Variants in IGSF9 observed in about 807,000 individuals in gnomAD.
IGSF9 encodes immunoglobulin superfamily member 9, also known as protein turtle homolog A.
In IGSF9, 87 loss-of-function variants were observed where a neutral mutation model predicts 121.7. The observed-to-expected ratio is 0.71, with a 90% CI of 0.60 to 0.85. The LOEUF (loss-of-function observed/expected upper bound fraction) is 0.85, where lower values mean the gene tolerates loss of function less well. IGSF9 is among the 40% of genes least tolerant of loss of function. IGSF9 has a pLI of 0.00. For synonymous variants in IGSF9, 640 were observed against 648.4 expected (o/e 0.99, Z 0.20); for missense variants, 1,462 against 1,565.3 (o/e 0.93, Z 1.11).
chr1:159,927,132 G>T lies in IGSF9; in HGVS notation c.*213C>A. On this transcript the variant is annotated 3_prime_UTR_variant, in exon 21 of 21. Coordinates refer to ENST00000368094, the MANE Select transcript of IGSF9 (RefSeq NM_001135050.2). ...GAGAGAGAGAGAGAGAGAGAGAGAG[G>T]CAGACCTAAGATCCCTGTTCCAATC... 11 of 408,666 alleles carry T rather than the reference G, an allele frequency of 2.7e-5. No individual in the cohort carries two copies. The highest frequency in any genetic ancestry group is 4.9e-5 in the Admixed American group (1 of 20,614). The allele number at this position is 408,666 out of a possible 1,614,324, so 25.3% of individuals were successfully genotyped here.
chr1:159,934,856 A>C, intron 6 of IGSF9, 34 bp from the exon 7 acceptor site: 2 of 1,612,764 alleles, frequency 1.2e-6, no homozygotes, highest in Non-Finnish European at 1.7e-6. Flanking sequence ...AGGTGGCCTC[A>C]GCCCACAGTC....
rs1571208927 is a variant in IGSF9, at chr1:159,928,034, AG to A, written c.3230+123del. On this transcript the variant is annotated intron_variant, in intron 19 of 20. Coordinates refer to ENST00000368094, the MANE Select transcript of IGSF9 (RefSeq NM_001135050.2). ...CTGGACCTCAGCAAAAGCTTCTAAA[AG>A]GGACAAGTTTTCCCGTTCCCAGGGT... 5 of 1,484,604 alleles carry A rather than the reference AG, an allele frequency of 3.4e-6. No individual in the cohort carries two copies. The East Asian group carries it at 1.1e-4, about 34-fold the overall frequency. 92.0% of individuals were successfully genotyped at this position (1,484,604 alleles called of 1,614,324 possible).
chr1:159,930,055 C>A, intron 15 of IGSF9, 80 bp from the exon 16 acceptor site: 1 of 1,557,222 alleles, frequency 6.4e-7, no homozygotes, highest in Non-Finnish European at 8.7e-7. Flanking sequence ...AGACCGTGCA[C>A]GTGGGACGGA....
chr1:159,943,579 C>A lies in IGSF9; in HGVS notation c.-125G>T. ...CTCTCACTCTTCTGTACAGTGAGGGCTTGGCTCATGTAACACCCGAGGAAG... is the reference window on the plus strand; with the variant it reads ...CTCTCACTCTTCTGTACAGTGAGGGATTGGCTCATGTAACACCCGAGGAAG... On this transcript the variant is annotated 5_prime_UTR_variant, in exon 2 of 21. Transcript: ENST00000368094. 2.3e-6 allele frequency: 2 copies of A among 859,780 alleles called. No individual in the cohort carries two copies. Among genetic ancestry groups the A allele is most frequent in the Non-Finnish European group, 3.3e-6 (2 of 600,178 alleles). The allele number at this position is 859,780 out of a possible 1,614,324, so 53.3% of individuals were successfully genotyped here. A position where few individuals can be genotyped will look rare whatever the true frequency, so the allele number is the denominator to read the frequency against.
At position 159,927,169 on chromosome 1, in the gene IGSF9, C is replaced by A; in HGVS notation, c.*176G>T. ...TCCCTGTTCCAATCCCCAGACTCAC[C>A]TAGGGGGTCAGCACATACATTCCAT... On this transcript the variant is annotated 3_prime_UTR_variant, in exon 21 of 21. Transcript: ENST00000368094. 1.5e-6 allele frequency: 1 copy of A among 651,988 alleles called. No individual in the cohort carries two copies. The allele number at this position is 651,988 out of a possible 1,614,324, so 40.4% of individuals were successfully genotyped here. A position where few individuals can be genotyped will look rare whatever the true frequency, so the allele number is the denominator to read the frequency against.
intron 9 of IGSF9, 173 bp downstream of exon 9, chr1:159,934,017 C>T: frequency 1.4e-6 from 1 of 740,236 alleles, no homozygotes; most frequent in South Asian, 1.9e-5. Flanking sequence ...GAAATTTTTC[C>T]TCAGGGGTTT....
At position 159,928,228 on chromosome 1, in the gene IGSF9, C is replaced by T. The variant is rs1363596966; in HGVS notation, c.3160G>A (p.Asp1054Asn). The T allele has an allele frequency of 1.2e-6, 2 of 1,613,178 alleles. No homozygotes were observed. Among genetic ancestry groups the T allele is most frequent in the Non-Finnish European group, 8.5e-7 (1 of 1,179,932 alleles). ...GGGCCACTGGCCCAGCTGCTGGTGT[C>T]TCCTGGAGCAGGGCTGAGGTAGCTG... ...GGSYLSPAPG[D>N]TSSWASGPER... Residue 1054 changes from aspartate to asparagine, a missense_variant, in exon 19 of 21, where the codon GAC (aspartate) becomes AAC (asparagine). Asp to Asn is a conservative substitution (Grantham distance 23). Around this residue, in one of 3 missense-constraint regions of IGSF9, gnomAD observed 808 missense variants for 815.2 expected, o/e 0.99. Transcript: ENST00000368094.
Position 159,936,449 on chromosome 1 carries a change from G to C in IGSF9, c.623C>G (p.Ala208Gly). Residue 208 changes from alanine (A) to glycine (G), a missense_variant, in exon 6 of 21, where the codon GCC becomes GGC. Around this residue, in one of 3 missense-constraint regions of IGSF9, gnomAD observed 558 missense variants for 599.4 expected, o/e 0.93. Transcript: ENST00000368094. ...RGSSGVYTCQ[A>G]SSTEGSATHA... The stretch of plus-strand genomic sequence containing the variant: ...GGTGGCGCTGCCCTCAGTGCTGGAG[G>C]CTTGGCAGGTGTAGACCCCAGAGCT... 2 of 1,614,048 alleles carry C rather than the reference G, an allele frequency of 1.2e-6. No homozygotes were observed. The highest frequency in any genetic ancestry group is 1.7e-6 in the Non-Finnish European group (2 of 1,180,014).
chr1:159,931,288 T>C lies in IGSF9; in HGVS notation c.1514-27A>G. ...TAGGCAGGGGGGAATGGAGGGATGG[T>C]GGTCAGGGCCTGAGGGAGTGTACAG... On this transcript the variant is annotated intron_variant, in intron 12 of 20. Transcript: ENST00000368094. The surrounding 1 kb of genome is among the most constrained non-coding windows in gnomAD (Gnocchi z 4.8). 6.2e-7 allele frequency: 1 copy of C among 1,613,872 alleles called. No homozygotes were observed. Among genetic ancestry groups the C allele is most frequent in the South Asian group, 1.1e-5 (1 of 91,068 alleles).
intron 3 of IGSF9, among the ~76,000 whole-genome samples, chr1:159,938,841 TC>T (rs1433622203): frequency 1.3e-5 from 2 of 152,154 alleles, no homozygotes; most frequent in African/African-American, 4.8e-5. Flanking sequence ...GTGCCTGGCA[TC>T]AGTGGATGCT....
Position 159,943,140 on chromosome 1 carries a change from G to C in IGSF9, c.70C>G (p.Pro24Ala). Reference sequence around the variant, plus strand: ...CGGCCCACCACCGATACCACCTCAGGCTTCCCTCGACCTGCATGATGGGTG... The same window carrying C: ...CGGCCCACCACCGATACCACCTCAGCCTTCCCTCGACCTGCATGATGGGTG... ...ISQGADGRGKPEVVSVVGRAG... is the reference protein window; with the variant it reads ...ISQGADGRGKAEVVSVVGRAG... Residue 24 changes from proline to alanine, a missense_variant, in exon 3 of 21, where the codon CCT becomes GCT. Physicochemically the swap from Pro to Ala is conservative, Grantham distance 27. Coordinates refer to ENST00000368094, the MANE Select transcript of IGSF9 (RefSeq NM_001135050.2). 1 of 1,592,932 alleles carries C rather than the reference G, an allele frequency of 6.3e-7. No homozygotes were observed. Among genetic ancestry groups the C allele is most frequent in the Non-Finnish European group, 8.5e-7 (1 of 1,172,646 alleles).
chr1:159,927,170 T>C lies in IGSF9; in HGVS notation c.*175A>G. 2 of 652,556 alleles carry C rather than the reference T, an allele frequency of 3.1e-6. No individual in the cohort carries two copies. Among genetic ancestry groups the C allele is most frequent in the Non-Finnish European group, 5.3e-6 (2 of 375,296 alleles). The allele number at this position is 652,556 out of a possible 1,614,324, so 40.4% of individuals were successfully genotyped here. Reference sequence around the variant, plus strand: ...CCCTGTTCCAATCCCCAGACTCACCTAGGGGGTCAGCACATACATTCCATA... The same window carrying C: ...CCCTGTTCCAATCCCCAGACTCACCCAGGGGGTCAGCACATACATTCCATA... On this transcript the variant is annotated 3_prime_UTR_variant, in exon 21 of 21. Transcript: ENST00000368094.
In IGSF9 at chr1:159,929,348, T is replaced by C; in HGVS notation, c.2369+3A>G. On this transcript the variant is annotated splice_donor_region_variant and intron_variant, in intron 18 of 20. Coordinates refer to ENST00000368094, the MANE Select transcript of IGSF9 (RefSeq NM_001135050.2). ...AGAAAGCCAAGGAGGTGGAGGCACT[T>C]ACGGTGCAGCTGACTTCCCGGTCGG... 1 of 1,613,980 alleles carries C rather than the reference T, an allele frequency of 6.2e-7. No homozygotes were observed. The highest frequency in any genetic ancestry group is 1.1e-5 in the South Asian group (1 of 91,072).
In IGSF9 at chr1:159,934,580, G is replaced by A. The variant is rs1397707251; in HGVS notation, c.816-10C>T. The stretch of plus-strand genomic sequence containing the variant: ...CCGGGGCTGCAGGCGGCTGCAATGT[G>A]GCATGTGTGAGGAGGGGTCCAGGCC... On this transcript the variant is annotated splice_polypyrimidine_tract_variant and intron_variant, in intron 7 of 20. Coordinates refer to ENST00000368094, the MANE Select transcript of IGSF9 (RefSeq NM_001135050.2). 6 of 1,613,514 alleles carry A rather than the reference G, an allele frequency of 3.7e-6. No homozygotes were observed. In the African/African-American group the frequency reaches 6.7e-5, roughly 18 times the overall value.
rs771795572 is a variant in IGSF9, at chr1:159,934,343, G to A, written c.962-11C>T. ...TCACCTGGGCTGGGTCTGGGGGAAA[G>A]TAGTGGCAAGTTGGGGGAGAGGGGC... On this transcript the variant is annotated splice_polypyrimidine_tract_variant and intron_variant, in intron 8 of 20. Coordinates refer to ENST00000368094, the MANE Select transcript of IGSF9 (RefSeq NM_001135050.2). The A allele has an allele frequency of 1.9e-6, 3 of 1,580,588 alleles. No homozygotes were observed. In the East Asian group the frequency reaches 6.9e-5, roughly 36 times the overall value.
chr1:159,928,029 C>T, intron 19 of IGSF9, 129 bp downstream of exon 19: 1 of 1,486,354 alleles, frequency 6.7e-7, no homozygotes, highest in South Asian at 1.3e-5. Flanking sequence ...GCAAAAGCTT[C>T]TAAAAGGGAC....
chr1:159,943,071 C>T lies in IGSF9; in HGVS notation c.139G>A (p.Ala47Thr), dbSNP rs1267489789. 6.2e-7 allele frequency: 1 copy of T among 1,612,724 alleles called. No homozygotes were observed. Among genetic ancestry groups the T allele is most frequent in the African/African-American group, 1.3e-5 (1 of 74,822 alleles). The change falls in exon 3 of 21, where the codon GCC becomes ACC. Residue 47 changes from alanine to threonine, a missense_variant. Transcript: ENST00000368094. ...VVLGCDLLPP[A>T]GRPPLHVIEW... is the part of the protein sequence containing the mutation. ...ATGACATGCAGGGGGGGCCGGCCGG[C>T]CGGGGGCAGCAGGTCACAGCCCAGC...
At position 159,928,305 on chromosome 1, in the gene IGSF9, C is replaced by T. The variant is rs1224748860; in HGVS notation, c.3083G>A (p.Arg1028Gln). Residue 1028 changes from arginine (R) to glutamine (Q), a missense_variant, in exon 19 of 21, where the codon CGA (arginine) becomes CAA (glutamine). Physicochemically the swap from Arg to Gln is conservative, Grantham distance 43. Transcript: ENST00000368094. ...GGGCCGCAGGAACGAAGCGCTGCCT[C>T]GCCCACTGCTCTGGCTGGTGAGGCT... ...RGSLTSQSSG[R>Q]GSASFLRPPS... The T allele has an allele frequency of 5.0e-6, 8 of 1,611,362 alleles. No homozygotes were observed. Among genetic ancestry groups the T allele is most frequent in the East Asian group, 4.5e-5 (2 of 44,806 alleles).
Position 159,936,815 on chromosome 1 carries a change from A to AG in IGSF9, c.493dup (p.Leu165ProfsTer48). ...TCGGAGCTTCCACGTCACATGAGGC[A>AG]GGGGGCTGCCACGGGCCACACAACG... On this transcript the variant is annotated frameshift_variant, in exon 5 of 21. Coordinates refer to ENST00000368094, the MANE Select transcript of IGSF9 (RefSeq NM_001135050.2). LOFTEE classifies it high-confidence loss of function. The AG allele has an allele frequency of 6.2e-7, 1 of 1,614,186 alleles. No homozygotes were observed. Among genetic ancestry groups the AG allele is most frequent in the Non-Finnish European group, 8.5e-7 (1 of 1,180,008 alleles).
Sources: allele counts gnomAD v4.1 joint callset (sites outside exome capture counted in the v4.1 genomes callset), GRCh38; gene constraint gnomAD v4.1.1; regional missense constraint gnomAD v4.1.1; non-coding constraint Gnocchi (gnomAD v3.1); transcripts MANE v1.5; gene names NCBI Gene and HGNC (gene_info 2026-07-23, HGNC 2026-07-21).